Variants in ANGPT2 observed in about 807,000 individuals in gnomAD.
ANGPT2 encodes angiopoietin 2.
In ANGPT2, 28 loss-of-function variants were observed where a neutral mutation model predicts 62.9. That is an observed-to-expected ratio of 0.44 (90% CI 0.33 to 0.61). The LOEUF (loss-of-function observed/expected upper bound fraction) is 0.61. ANGPT2 is among the 20% of genes least tolerant of loss of function. The pLI is 0.03. For synonymous variants in ANGPT2, 284 were observed against 207.8 expected (o/e 1.37, Z -3.15); for missense variants, 727 against 594.9 (o/e 1.22, Z -2.31).
intron 1 of ANGPT2, among the ~76,000 whole-genome samples, chr8:6,555,449 C>G (rs1021193773): frequency 1.3e-5 from 2 of 148,284 alleles, no homozygotes; most frequent in Non-Finnish European, 3.0e-5. Context: ...ATTTGTTTTA[C>G]GGGGGGTGGT....
At chr8:6,529,671 C>G (rs930583393) in intron 2 of ANGPT2, among the ~76,000 whole-genome samples, 29 of 139,524 alleles carry the variant, frequency 2.1e-4, no homozygotes, top group Non-Finnish European at 3.5e-4. Context: ...CACCATGTTG[C>G]TCAAGCTGGT....
intron 1 of ANGPT2, among the ~76,000 whole-genome samples, chr8:6,540,514 T>G (rs1821347141): frequency 6.6e-6 from 1 of 152,256 alleles, no homozygotes; most frequent in African/African-American, 2.4e-5. Context: ...GCGTGCAGCC[T>G]CATGGCACGT....
intron 2 of ANGPT2, among the ~76,000 whole-genome samples, chr8:6,531,128 G>A (rs1819427533): frequency 6.6e-6 from 1 of 151,964 alleles, no homozygotes. Context: ...CCTTGAGCTT[G>A]GAGCGTCTGC....
At chr8:6,538,545 C>T (rs1363945570) in intron 1 of ANGPT2, among the ~76,000 whole-genome samples, 4 of 152,188 alleles carry the variant, frequency 2.6e-5, no homozygotes, top group South Asian at 2.1e-4. Context: ...GACCTGGGCG[C>T]GCACTGTCCT....
At chr8:6,516,696 T>C (rs1049103947) in intron 5 of ANGPT2, among the ~76,000 whole-genome samples, 10 of 152,254 alleles carry the variant, frequency 6.6e-5, no homozygotes, top group African/African-American at 2.4e-4. Flanking sequence ...AAGTTAATTC[T>C]GTATCCTAAA....
intron 7 of ANGPT2, among the ~76,000 whole-genome samples, chr8:6,509,891 G>A (rs1198713476): frequency 4.6e-5 from 7 of 152,202 alleles, no homozygotes; most frequent in Admixed American, 2.6e-4. Flanking sequence ...TCACAGGACT[G>A]ACTGGGACCT....
intron 3 of ANGPT2, among the ~76,000 whole-genome samples, chr8:6,524,090 C>T (rs977423643): frequency 6.6e-6 from 1 of 152,086 alleles, no homozygotes; most frequent in Non-Finnish European, 1.5e-5. Context: ...AAAACAGTGA[C>T]CAGATGTCAG....
chr8:6,558,973 G>C (rs916302483), intron 1 of ANGPT2, among the ~76,000 whole-genome samples: 2 of 151,780 alleles, frequency 1.3e-5, no homozygotes, highest in African/African-American at 4.8e-5. Context: ...CCCTACCATA[G>C]TGAAACTGTC....
At chr8:6,552,977 A>C (rs1823925179) in intron 1 of ANGPT2, among the ~76,000 whole-genome samples, 1 of 152,214 alleles carries the variant, frequency 6.6e-6, no homozygotes, top group African/African-American at 2.4e-5. Flanking sequence ...GTGCAGGTAG[A>C]GCACAGAGGA....
At chr8:6,559,591 G>A (rs1321399769) in intron 1 of ANGPT2, among the ~76,000 whole-genome samples, 3 of 152,086 alleles carry the variant, frequency 2.0e-5, no homozygotes, top group Admixed American at 6.5e-5. Flanking sequence ...CTGTTTTAAC[G>A]TGTTCATAGA....
intron 3 of ANGPT2, among the ~76,000 whole-genome samples, chr8:6,524,936 G>A (rs1225770995): frequency 1.3e-5 from 2 of 152,230 alleles, no homozygotes; most frequent in South Asian, 2.1e-4. Flanking sequence ...GGCTTCCTGT[G>A]TCACAAGGGC....
intron 8 of ANGPT2, among the ~76,000 whole-genome samples, chr8:6,504,085 G>A (rs112503526): frequency 0.07 from 10,542 of 151,596 alleles, 489 homozygotes; most frequent in African/African-American, 0.13. Context: ...TTGGGAGGCC[G>A]AGGTGGGTGG....
chr8:6,504,317 C>CAAAAAAAA (rs35379672), intron 8 of ANGPT2, among the ~76,000 whole-genome samples: 1 of 85,910 alleles, frequency 1.2e-5, no homozygotes. Context: ...GACTCCAGCT[C>CAAAAAAAA]AAAAAAAAAA....
At position 6,550,315 on chromosome 8, in the gene ANGPT2, G is replaced by A. The variant is rs1823406395; in HGVS notation, c.288+12332C>T. ...CCGGGGCATCTGCCTCTCCCTATGTGTGTGGGTCCTGGGAGTGAGGCAGTG... is the reference window on the plus strand; with the variant it reads ...CCGGGGCATCTGCCTCTCCCTATGTATGTGGGTCCTGGGAGTGAGGCAGTG... On this transcript the variant is annotated intron_variant, in intron 1 of 8. Coordinates refer to ENST00000629816, the MANE Select transcript of ANGPT2 (RefSeq NM_001118887.2). Among the ~76,000 whole-genome samples, 3 of 152,162 alleles carry A rather than the reference G, an allele frequency of 2.0e-5. No individual in the cohort carries two copies. In the South Asian group the frequency reaches 6.2e-4, roughly 31 times the overall value.
intron 1 of ANGPT2, among the ~76,000 whole-genome samples, chr8:6,543,380 A>G (rs1821955872): frequency 6.6e-6 from 1 of 152,014 alleles, no homozygotes; most frequent in Non-Finnish European, 1.5e-5. Context: ...CTGCCTGGAC[A>G]CCCTTCTCTC....
At chr8:6,526,892 A>T (rs763308319) in intron 3 of ANGPT2, among the ~76,000 whole-genome samples, 1 of 152,108 alleles carries the variant, frequency 6.6e-6, no homozygotes, top group Admixed American at 6.5e-5. Context: ...TTTTTTTTCT[A>T]TTGTTGATCT....
chr8:6,554,141 A>G (rs1298335621), intron 1 of ANGPT2, among the ~76,000 whole-genome samples: 4 of 150,098 alleles, frequency 2.7e-5, no homozygotes, highest in Non-Finnish European at 5.9e-5. Context: ...TAAGACCCAT[A>G]TTAGACTAAT....
chr8:6,514,872 C>G, intron 5 of ANGPT2, 94 bp from the exon 6 acceptor site: 1 of 1,061,172 alleles, frequency 9.4e-7, no homozygotes, highest in Non-Finnish European at 1.4e-6. Context: ...GAGTGCAGGA[C>G]TCAGCCGAGA....
intron 3 of ANGPT2, among the ~76,000 whole-genome samples, chr8:6,523,027 T>C (rs1487213894): frequency 6.6e-6 from 1 of 151,942 alleles, no homozygotes; most frequent in Non-Finnish European, 1.5e-5. Flanking sequence ...AGATGGAGTC[T>C]CGCTCTGTCA....
Sources: allele counts gnomAD v4.1 joint callset (sites outside exome capture counted in the v4.1 genomes callset), GRCh38; gene constraint gnomAD v4.1.1; transcripts MANE v1.5; gene names NCBI Gene and HGNC (gene_info 2026-07-23, HGNC 2026-07-21).